Variants in FBXW11 observed in about 807,000 individuals in gnomAD.
FBXW11 encodes F-box/WD repeat-containing protein 11.
In FBXW11, 19 loss-of-function variants were observed where a neutral mutation model predicts 77.6. That is an observed-to-expected ratio of 0.24 (90% CI 0.17 to 0.36). The LOEUF is 0.36. Ranked by LOEUF, FBXW11 falls within the 10% of genes least tolerant of loss-of-function variation. The pLI, the probability that FBXW11 is intolerant of heterozygous loss-of-function variation, is 1.00. For synonymous variants in FBXW11, 235 were observed against 249.4 expected (o/e 0.94, Z 0.54); for missense variants, 334 against 704.2 (o/e 0.47, Z 5.95).
chr5:171,873,824 G>A (rs982217454), intron 9 of FBXW11, among the ~76,000 whole-genome samples: 3 of 152,126 alleles, frequency 2.0e-5, no homozygotes, highest in African/African-American at 7.2e-5. Flanking sequence ...GACAAATAAG[G>A]AGACACACAG....
intron 10 of FBXW11, 151 bp from the exon 11 acceptor site, chr5:171,871,009 A>G: frequency 1.7e-6 from 1 of 583,158 alleles, no homozygotes; most frequent in Non-Finnish European, 3.1e-6. Context: ...CCACACATAT[A>G]AAGCTGTATG....
intron 2 of FBXW11, among the ~76,000 whole-genome samples, chr5:171,945,587 T>G (rs1762965537): frequency 6.6e-6 from 1 of 152,200 alleles, no homozygotes; most frequent in Admixed American, 6.5e-5. Context: ...GTAGTACTCA[T>G]TAACTGTAAG....
intron 8 of FBXW11, 43 bp downstream of exon 8, chr5:171,877,968 G>C (rs370417486): frequency 7.0e-7 from 1 of 1,438,042 alleles, no homozygotes; most frequent in Non-Finnish European, 9.7e-7. Context: ...GACTTTCTCA[G>C]GGAAGGCTTA....
intron 7 of FBXW11, among the ~76,000 whole-genome samples, chr5:171,879,742 T>C (rs932472792): frequency 1.4e-4 from 22 of 152,382 alleles, no homozygotes; most frequent in Middle Eastern, 3.4e-3. Flanking sequence ...GCCATCTGTA[T>C]ATCCTTCTTT....
intron 1 of FBXW11, among the ~76,000 whole-genome samples, chr5:171,987,546 G>A (rs1765513186): frequency 6.6e-6 from 1 of 152,118 alleles, no homozygotes; most frequent in African/African-American, 2.4e-5. Flanking sequence ...CACCTCCCGG[G>A]TTCAAGCGAT....
intron 1 of FBXW11, among the ~76,000 whole-genome samples, chr5:171,976,075 AAGGG>A (rs1764813907): frequency 6.6e-6 from 1 of 152,088 alleles, no homozygotes; most frequent in African/African-American, 2.4e-5. Flanking sequence ...GGAGGGGAGG[AAGGG>A]AGGAAGAAGG....
chr5:171,919,506 A>G (rs1761451307), intron 2 of FBXW11, among the ~76,000 whole-genome samples: 1 of 152,234 alleles, frequency 6.6e-6, no homozygotes, highest in Non-Finnish European at 1.5e-5. Context: ...CATTCACTGG[A>G]TATTAAAAAC....
At chr5:171,944,467 C>T (rs1048702928) in intron 2 of FBXW11, among the ~76,000 whole-genome samples, 2 of 143,542 alleles carry the variant, frequency 1.4e-5, no homozygotes, top group African/African-American at 2.6e-5. Context: ...CCCAGCTATG[C>T]GGGAGGCTGA....
chr5:171,977,592 G>A (rs1467432375), intron 1 of FBXW11: 1 of 451,688 alleles, frequency 2.2e-6, no homozygotes, highest in Admixed American at 2.4e-5. Flanking sequence ...AGACATACCT[G>A]AGACTGGGCA....
chr5:171,917,351 C>T (rs1761321469), intron 2 of FBXW11, among the ~76,000 whole-genome samples: 1 of 152,190 alleles, frequency 6.6e-6, no homozygotes, highest in African/African-American at 2.4e-5. Flanking sequence ...TCAGACTTCC[C>T]TGTACACTAT....
intron 1 of FBXW11, 48 bp from the exon 2 acceptor site, chr5:171,957,746 C>T: frequency 6.8e-7 from 1 of 1,478,588 alleles, no homozygotes; most frequent in Non-Finnish European, 9.5e-7. Flanking sequence ...TTAGAGGCCG[C>T]AACAAATCAC....
intron 3 of FBXW11, among the ~76,000 whole-genome samples, chr5:171,912,212 G>A (rs1415014330): frequency 6.6e-6 from 1 of 152,114 alleles, no homozygotes; most frequent in Non-Finnish European, 1.5e-5. Flanking sequence ...ATATTTAGAG[G>A]TATGAGATGG....
At chr5:171,882,568 G>T (rs1758591102) in intron 7 of FBXW11, among the ~76,000 whole-genome samples, 1 of 152,132 alleles carries the variant, frequency 6.6e-6, no homozygotes, top group Non-Finnish European at 1.5e-5. Flanking sequence ...GCCTCCCAAA[G>T]TGTAGGGATT....
At chr5:171,953,600 A>G (rs1763463584) in intron 2 of FBXW11, among the ~76,000 whole-genome samples, 1 of 152,218 alleles carries the variant, frequency 6.6e-6, no homozygotes, top group Admixed American at 6.5e-5. Context: ...AGGAGCAAGT[A>G]AATTTAAAAA....
At chr5:171,908,596 G>C (rs1581183915) in intron 4 of FBXW11, 1 of 152,188 alleles carries the variant, frequency 6.6e-6, no homozygotes, top group Non-Finnish European at 1.5e-5. Flanking sequence ...GATTCTAATG[G>C]AAGAAATGAG....
At chr5:171,907,677 A>G (rs1162881882) in intron 4 of FBXW11, among the ~76,000 whole-genome samples, 3 of 152,338 alleles carry the variant, frequency 2.0e-5, no homozygotes, top group Non-Finnish European at 4.4e-5. Context: ...GTCCCAGCCA[A>G]TGGTCCATTC....
rs1223040761 is a variant in FBXW11, at chr5:171,861,660, G to A, written c.*2467C>T. ...GCATAATACCCATACTCGATTTATT[G>A]ACATTACTTAGCAATTTACTGGACA... On this transcript the variant is annotated 3_prime_UTR_variant, in exon 14 of 14. Transcript: ENST00000517395. The A allele has an allele frequency of 1.3e-5, 2 of 152,610 alleles. No homozygotes were observed. Among genetic ancestry groups the A allele is most frequent in the African/African-American group, 2.4e-5 (1 of 41,438 alleles). The allele number at this position is 152,610 out of a possible 1,614,324, so 9.5% of individuals were successfully genotyped here.
chr5:171,943,280 C>T (rs1581234769), intron 2 of FBXW11, among the ~76,000 whole-genome samples: 1 of 152,182 alleles, frequency 6.6e-6, no homozygotes, highest in Admixed American at 6.5e-5. Context: ...ATAAATATGT[C>T]CAAGATATAA....
At chr5:171,990,854 T>C (rs1429630175) in intron 1 of FBXW11, among the ~76,000 whole-genome samples, 2 of 152,178 alleles carry the variant, frequency 1.3e-5, no homozygotes, top group African/African-American at 2.4e-5. Context: ...TTTTTGAGTC[T>C]TGCTCTATTG....
Sources: allele counts gnomAD v4.1 joint callset (sites outside exome capture counted in the v4.1 genomes callset), GRCh38; gene constraint gnomAD v4.1.1; transcripts MANE v1.5; gene names NCBI Gene and HGNC (gene_info 2026-07-23, HGNC 2026-07-21).